The following PABIR3 variants were observed in gnomAD, a reference collection of about 807,000 sequenced individuals.
PABIR3 encodes PABIR family member 3, also known as PABIR family member 1.
Under a neutral mutation model 23.1 loss-of-function variants are expected in PABIR3, and 20 were observed. That is an observed-to-expected ratio of 0.86 (90% CI 0.61 to 1.26). The LOEUF is 1.26. Ranked by LOEUF, PABIR3 falls within the 50% of genes most tolerant of loss-of-function variation. PABIR3 has a pLI of 0.00. For missense variants in PABIR3, 189 were observed against 195.4 expected (o/e 0.97, Z 0.20); for synonymous variants, 69 against 68.5 (o/e 1.01, Z -0.04).
At chrX:134,817,170 AAAACAAAC>A (rs748627272) in intron 3 of PABIR3, among the ~76,000 whole-genome samples, 15 of 111,703 alleles carry the variant, frequency 1.3e-4, no homozygotes, top group Admixed American at 2.9e-4. Flanking sequence ...ACTTTCTCTC[AAAACAAAC>A]AAACAAACAA....
chrX:134,838,616 T>A (rs1478874743), intron 4 of PABIR3: 5 of 92,042 alleles, frequency 5.4e-5, no homozygotes, highest in African/African-American at 8.4e-5. Context: ...TTTTTTTTTT[T>A]TAAAAAACAT....
chrX:134,830,194 A>G (rs1288587393), intron 4 of PABIR3, among the ~76,000 whole-genome samples: 1 of 110,301 alleles, frequency 9.1e-6, no homozygotes, highest in Non-Finnish European at 1.9e-5. Flanking sequence ...CCATAATACC[A>G]TCTTGTAATC....
At chrX:134,848,827 C>A (rs967413226) in intron 8 of PABIR3, among the ~76,000 whole-genome samples, 1 of 111,144 alleles carries the variant, frequency 9.0e-6, no homozygotes, top group African/African-American at 3.3e-5. Context: ...CATGGTGAAA[C>A]CCTGTGTCTA....
At chrX:134,821,417 T>A (rs1188443532) in intron 3 of PABIR3, 4 of 1,155,776 alleles carry the variant, frequency 3.5e-6, no homozygotes, top group Middle Eastern at 2.3e-4. Context: ...CCCTTTGCTT[T>A]ATCTCCTAAG....
chrX:134,850,214 G>A (rs148170414), intron 9 of PABIR3, among the ~76,000 whole-genome samples: 2,645 of 110,208 alleles, frequency 0.024, 78 homozygotes, highest in African/African-American at 0.082. Context: ...TGGGTGAATA[G>A]GAAAGGAGAT....
intron 1 of PABIR3, among the ~76,000 whole-genome samples, chrX:134,797,676 T>C (rs1286537181): frequency 1.8e-5 from 2 of 111,343 alleles, no homozygotes; most frequent in African/African-American, 6.5e-5. Flanking sequence ...CTCAGCTCCC[T>C]TTTGCAAGCA....
chrX:134,816,954 C>T (rs1409462432), intron 3 of PABIR3, among the ~76,000 whole-genome samples: 2 of 111,426 alleles, frequency 1.8e-5, no homozygotes, highest in Admixed American at 9.5e-5. Context: ...GCGGGAGGAT[C>T]ACCTGAGGTC....
At chrX:134,803,909 T>G (rs1569442052), upstream of PABIR3, among the ~76,000 whole-genome samples, 1 of 110,554 alleles carries the variant, frequency 9.0e-6, no homozygotes, top group East Asian at 2.8e-4. Flanking sequence ...CTGCTAGTTT[T>G]TTTTTTTTTT....
At chrX:134,848,118 C>T (rs1306490219) in intron 8 of PABIR3, 147 bp downstream of exon 8, 46 of 505,336 alleles carry the variant, frequency 9.1e-5, no homozygotes, top group South Asian at 6.4e-4. Flanking sequence ...CGGCTGGGCA[C>T]GGTGGCTCCT....
At chrX:134,799,751 T>C (rs1445897121) in intron 1 of PABIR3, 1 of 110,713 alleles carries the variant, frequency 9.0e-6, no homozygotes, top group Non-Finnish European at 1.9e-5. Context: ...TGACTTGAGG[T>C]CAGGAGTTCA....
rs906151082 is a variant in PABIR3 at position 134,843,823 on chromosome X, G to T, written c.247-1382G>T. On this transcript the variant is annotated intron_variant, in intron 4 of 10. Transcript: ENST00000645433. ...ACCTCGTGATCCGCCCACCTCGGCCGCCCAAAGTGCTGGGATTACAGGCGT... is the reference window on the plus strand; with the variant it reads ...ACCTCGTGATCCGCCCACCTCGGCCTCCCAAAGTGCTGGGATTACAGGCGT... Among the ~76,000 whole-genome samples the T allele has an allele frequency of 1.0e-3, 109 of 108,628 alleles. 3 individuals are homozygous for T. Among genetic ancestry groups the T allele is most frequent in the Middle Eastern group, 4.8e-3 (1 of 210 alleles). The allele number at this position is 108,628 out of a possible 115,157, so 94.3% of individuals were successfully genotyped here. A position where few individuals can be genotyped will look rare whatever the true frequency, so the allele number is the denominator to read the frequency against.
At chrX:134,832,229 C>T (rs972608347) in intron 4 of PABIR3, among the ~76,000 whole-genome samples, 2 of 106,849 alleles carry the variant, frequency 1.9e-5, no homozygotes, top group African/African-American at 3.4e-5. Context: ...GAGCCGAGAT[C>T]GCGCCACTGC....
intron 4 of PABIR3, among the ~76,000 whole-genome samples, chrX:134,840,414 C>T (rs982194600): frequency 1.1e-4 from 12 of 111,302 alleles, no homozygotes; most frequent in African/African-American, 3.9e-4. Flanking sequence ...ACTTTCTTCC[C>T]CCCATACAAA....
intron 3 of PABIR3, among the ~76,000 whole-genome samples, chrX:134,828,037 C>CTATA (rs1420655254): frequency 8.4e-4 from 61 of 72,849 alleles, no homozygotes; most frequent in Non-Finnish European, 1.1e-3. Context: ...CTCTCTCTCT[C>CTATA]TCTCTCTCTC....
downstream of PABIR3, among the ~76,000 whole-genome samples, chrX:134,855,201 A>G (rs1366009211): frequency 3.6e-5 from 4 of 110,689 alleles, no homozygotes; most frequent in South Asian, 3.8e-4. Flanking sequence ...CTGGGAGGCC[A>G]AGGCGGGTGG....
At chrX:134,860,751 G>T in the PABIR3 span, among the ~76,000 whole-genome samples, 1 of 111,942 alleles carries the variant, frequency 8.9e-6, no homozygotes, top group Non-Finnish European at 1.9e-5. Context: ...ATGAAATTGG[G>T]CCATGAAAAG....
chrX:134,807,176 T>TGCG, upstream of PABIR3: 1 of 790,950 alleles, frequency 1.3e-6, no homozygotes, highest in South Asian at 6.5e-5. Flanking sequence ...GCTGATAGCT[T>TGCG]ATCGCAGGCT....
At chrX:134,829,408 G>A in intron 4 of PABIR3, 126 bp downstream of exon 4, 2 of 533,072 alleles carry the variant, frequency 3.8e-6, no homozygotes, top group Non-Finnish European at 5.8e-6. Context: ...TTTATTTCTA[G>A]GAATGATTTC....
At chrX:134,848,077 T>C in intron 8 of PABIR3, 106 bp downstream of exon 8, 2 of 670,653 alleles carry the variant, frequency 3.0e-6, no homozygotes. Context: ...AGAAGTGACT[T>C]CTTTTTAGGG....
Sources: gnomAD v4.1 joint callset for allele counts (sites outside exome capture counted in the v4.1 genomes callset) on GRCh38, gnomAD v4.1.1 for gene constraint, MANE v1.5 for transcripts, NCBI Gene and HGNC (gene_info 2026-07-23, HGNC 2026-07-21) for gene names.